Variants in CDIN1 observed in about 807,000 individuals in gnomAD.
CDIN1 encodes the protein CDAN1-interacting nuclease 1.
Under a neutral mutation model 45.3 loss-of-function variants are expected in CDIN1, and 33 were observed. The ratio of observed to expected loss-of-function variants is 0.73; its 90% confidence interval spans 0.55 to 0.97. CDIN1 has a LOEUF of 0.97. Ranked by LOEUF, CDIN1 falls within the 50% of genes least tolerant of loss-of-function variation. The pLI, the probability that CDIN1 is intolerant of heterozygous loss-of-function variation, is 0.00. For synonymous variants in CDIN1, 118 were observed against 124.4 expected (o/e 0.95, Z 0.34); for missense variants, 303 against 339.4 (o/e 0.89, Z 0.84).
chr15:36,775,110 C>T (rs1464739342), intron 10 of CDIN1, among the ~76,000 whole-genome samples: 1 of 152,194 alleles, frequency 6.6e-6, no homozygotes, highest in African/African-American at 2.4e-5. Context: ...ACAACATCCC[C>T]ATTTCCCTGA....
At chr15:36,697,141 G>T (rs903366654) in intron 7 of CDIN1, among the ~76,000 whole-genome samples, 182 bp from the exon 8 acceptor site, 17 of 151,354 alleles carry the variant, frequency 1.1e-4, no homozygotes, top group Admixed American at 6.6e-4. Flanking sequence ...AAAAAAAAAG[G>T]TTTTAAAAAA....
At chr15:36,623,148 CAT>C (rs2039272513) in intron 1 of CDIN1, among the ~76,000 whole-genome samples, 1 of 151,966 alleles carries the variant, frequency 6.6e-6, no homozygotes, top group Non-Finnish European at 1.5e-5. Context: ...ATTTTGGGAA[CAT>C]AGTGAAACTC....
chr15:36,601,467 C>T (rs1013118668), intron 1 of CDIN1, among the ~76,000 whole-genome samples: 4 of 152,170 alleles, frequency 2.6e-5, no homozygotes, highest in South Asian at 2.1e-4. Flanking sequence ...TTTTGCAAAA[C>T]GACCTACTGA....
At chr15:36,788,075 C>CATATAT (rs201682731) in intron 10 of CDIN1, among the ~76,000 whole-genome samples, 38 of 56,164 alleles carry the variant, frequency 6.8e-4, no homozygotes, top group African/African-American at 2.5e-3. Flanking sequence ...TAATTTTATA[C>CATATAT]ATATATATAT....
intron 10 of CDIN1, among the ~76,000 whole-genome samples, chr15:36,735,467 A>G (rs1229147952): frequency 6.6e-6 from 1 of 152,072 alleles, no homozygotes; most frequent in Non-Finnish European, 1.5e-5. Context: ...GCTTATCTTA[A>G]TATATACTTA....
chr15:36,781,485 T>C (rs1358184673), intron 10 of CDIN1, among the ~76,000 whole-genome samples: 1 of 152,202 alleles, frequency 6.6e-6, no homozygotes, highest in Non-Finnish European at 1.5e-5. Context: ...CCCGTGCTTT[T>C]CCTACATTGA....
At chr15:36,728,027 G>C (rs186245466) in intron 10 of CDIN1, among the ~76,000 whole-genome samples, 3 of 152,260 alleles carry the variant, frequency 2.0e-5, no homozygotes, top group Admixed American at 2.0e-4. Context: ...TATGGCTTTG[G>C]TGTCTCCATG....
At chr15:36,625,088 T>C (rs2140325866) in intron 1 of CDIN1, among the ~76,000 whole-genome samples, 1 of 151,982 alleles carries the variant, frequency 6.6e-6, no homozygotes, top group Non-Finnish European at 1.5e-5. Flanking sequence ...CCATCCTGGC[T>C]AACACAGTGA....
intron 1 of CDIN1, among the ~76,000 whole-genome samples, chr15:36,634,297 G>A (rs895793860): frequency 3.5e-4 from 50 of 142,030 alleles, no homozygotes; most frequent in African/African-American, 1.3e-3. Flanking sequence ...AGGCGTGGTG[G>A]TGCATGCCTG....
At position 36,788,104 on chromosome 15, in the gene CDIN1, ATATTTTTTT is replaced by A. The variant is rs1450061647; in HGVS notation, c.717-20218_717-20210del. 2.0e-4 allele frequency among the ~76,000 whole-genome samples: 7 copies of A among 34,468 alleles called. No individual in the cohort carries two copies. In the East Asian group the frequency reaches 2.4e-3, roughly 12 times the overall value. The allele number at this position is 34,468 out of a possible 152,430, so 22.6% of individuals were successfully genotyped here. On this transcript the variant is annotated intron_variant, in intron 10 of 10. Transcript: ENST00000566621. ...TATATATATATATATATATATATAT[ATATTTTTTT>A]TTTTTTTTTTTTTTTTTTTTGAGAC...
At chr15:36,686,924 A>G (rs113744197) in intron 5 of CDIN1, among the ~76,000 whole-genome samples, 7,639 of 142,018 alleles carry the variant, frequency 0.054, 234 homozygotes, top group African/African-American at 0.064. Context: ...GGAAGGAAGG[A>G]AGAAAAGGAA....
At chr15:36,634,744 G>A (rs2039824272) in intron 1 of CDIN1, among the ~76,000 whole-genome samples, 1 of 152,072 alleles carries the variant, frequency 6.6e-6, no homozygotes, top group African/African-American at 2.4e-5. Context: ...TACGTAATCT[G>A]CTAAGACCTC....
intron 1 of CDIN1, among the ~76,000 whole-genome samples, chr15:36,635,822 A>G (rs955034272): frequency 1.3e-5 from 2 of 152,246 alleles, no homozygotes; most frequent in Admixed American, 1.3e-4. Context: ...GATGGATTTA[A>G]CTCAGTGCAT....
chr15:36,781,085 TAAAC>T (rs1020440819), intron 10 of CDIN1, among the ~76,000 whole-genome samples: 2 of 152,144 alleles, frequency 1.3e-5, no homozygotes, highest in African/African-American at 4.8e-5. Context: ...ACAAGATAAA[TAAAC>T]AAATTCCTCA....
chr15:36,750,300 T>C (rs1233515146), intron 10 of CDIN1, among the ~76,000 whole-genome samples: 1 of 152,150 alleles, frequency 6.6e-6, no homozygotes, highest in Non-Finnish European at 1.5e-5. Context: ...CAAATGCTAA[T>C]TATTAACAAC....
chr15:36,643,401 A>G (rs534162032), intron 1 of CDIN1, among the ~76,000 whole-genome samples: 6 of 152,244 alleles, frequency 3.9e-5, no homozygotes, highest in Admixed American at 2.0e-4. Flanking sequence ...GTATTTTGGC[A>G]TACTATAAAA....
chr15:36,722,730 G>T (rs1409127246), intron 10 of CDIN1, among the ~76,000 whole-genome samples: 1 of 152,112 alleles, frequency 6.6e-6, no homozygotes. Context: ...GTTTGCCTGT[G>T]CTCATTCTCT....
At chr15:36,588,413 T>C (rs1440906759) in intron 1 of CDIN1, among the ~76,000 whole-genome samples, 1 of 152,300 alleles carries the variant, frequency 6.6e-6, no homozygotes, top group African/African-American at 2.4e-5. Flanking sequence ...ACACTTCTGA[T>C]AATTTTGTGG....
chr15:36,690,275 CT>C (rs555387863), intron 5 of CDIN1, among the ~76,000 whole-genome samples: 51 of 146,048 alleles, frequency 3.5e-4, no homozygotes, highest in Admixed American at 4.8e-4. Context: ...ACATTTTTTT[CT>C]TTTTTTTTTT....
Sources: allele counts gnomAD v4.1 joint callset (sites outside exome capture counted in the v4.1 genomes callset), GRCh38; gene constraint gnomAD v4.1.1; transcripts MANE v1.5; gene names NCBI Gene and HGNC (gene_info 2026-07-23, HGNC 2026-07-21).